The following USP3 variants were observed in gnomAD, a reference collection of about 807,000 sequenced individuals.
The protein encoded by USP3 is ubiquitin carboxyl-terminal hydrolase 3.
Under a neutral mutation model 72.3 loss-of-function variants are expected in USP3, and 20 were observed. The ratio of observed to expected loss-of-function variants is 0.28; its 90% CI spans 0.19 to 0.40. USP3 has a LOEUF of 0.40. Among genes scored for constraint, USP3 ranks in the 10% least tolerant of loss-of-function variants. The pLI, the probability that USP3 is intolerant of heterozygous loss-of-function variation, is 1.00. For missense variants in USP3, 479 were observed against 633.9 expected, an observed-to-expected ratio of 0.76 and a Z score of 2.62; for synonymous variants, 222 against 225.3, an observed-to-expected ratio of 0.99 and a Z score of 0.13.
chr15:63,523,699 A>G (rs989572062), intron 1 of USP3, among the ~76,000 whole-genome samples: 2 of 152,332 alleles, frequency 1.3e-5, no homozygotes, highest in East Asian at 1.9e-4. Flanking sequence ...TCCAGCTTAC[A>G]AAGGCCTGGG....
intron 11 of USP3, among the ~76,000 whole-genome samples, chr15:63,583,070 G>T (rs1333395663): frequency 6.6e-6 from 1 of 152,098 alleles, no homozygotes. Context: ...TTCCACACAC[G>T]GGGAGACCCC....
At chr15:63,504,917 G>T (rs1297119065) in intron 1 of USP3, 87 bp downstream of exon 1, 22 of 1,104,000 alleles carry the variant, frequency 2.0e-5, no homozygotes, top group Non-Finnish European at 2.4e-5. Context: ...GGCGGCCGGC[G>T]CGCGGACTCG....
Position 63,591,173 on chromosome 15 carries a change from T to C in USP3, c.*347T>C, listed in dbSNP as rs868376387. On this transcript the variant is annotated 3_prime_UTR_variant, in exon 15 of 15. Transcript: ENST00000380324. Reference sequence around the variant, plus strand: ...CAATGCTTTTGTTCCTCTCACATGCTGAAAGCAAGATGTGTTCCTTATTGT... The same window carrying C: ...CAATGCTTTTGTTCCTCTCACATGCCGAAAGCAAGATGTGTTCCTTATTGT... 1 of 201,006 alleles carries C rather than the reference T, an allele frequency of 5.0e-6. No individual in the cohort carries two copies. The highest frequency in any genetic ancestry group is 9.0e-5 in the South Asian group (1 of 11,064). The allele number at this position is 201,006 out of a possible 1,614,324, so 12.5% of individuals were successfully genotyped here. A position where few individuals can be genotyped will look rare whatever the true frequency, so the allele number is the denominator to read the frequency against.
At chr15:63,585,025 G>A (rs780420749) in intron 11 of USP3, among the ~76,000 whole-genome samples, 37 of 152,122 alleles carry the variant, frequency 2.4e-4, no homozygotes, top group Non-Finnish European at 1.2e-4. Context: ...CCATTGAGTA[G>A]TCTTGTCATT....
intron 1 of USP3, among the ~76,000 whole-genome samples, chr15:63,526,838 A>G (rs901188198): frequency 1.2e-4 from 19 of 152,192 alleles, no homozygotes; most frequent in African/African-American, 4.6e-4. Flanking sequence ...GAAGGATTTT[A>G]TTTATGGGGG....
intron 2 of USP3, among the ~76,000 whole-genome samples, chr15:63,535,936 T>A (rs1311090482): frequency 6.6e-6 from 1 of 152,244 alleles, no homozygotes; most frequent in African/African-American, 2.4e-5. Flanking sequence ...TTCCACACAT[T>A]GGCTGCTTTC....
At position 63,588,261 on chromosome 15, in the gene USP3, C is replaced by CA; in HGVS notation, c.1097-40dup. 6.9e-7 allele frequency: 1 copy of CA among 1,453,014 alleles called. No homozygotes were observed. Among genetic ancestry groups the CA allele is most frequent in the Non-Finnish European group, 9.4e-7 (1 of 1,061,880 alleles). The allele number at this position is 1,453,014 out of a possible 1,614,324, so 90.0% of individuals were successfully genotyped here. On this transcript the variant is annotated intron_variant, in intron 11 of 14. Transcript: ENST00000380324. This position sits in a 1 kb window ranked among gnomAD's most constrained non-coding sequence, Gnocchi z 4.6. Reference sequence around the variant, plus strand: ...TTTTTTCTACAGTACATTGCCTCTACAAAAGGCATCTTGTTTTAATGCTGC... The same window carrying CA: ...TTTTTTCTACAGTACATTGCCTCTACAAAAAGGCATCTTGTTTTAATGCTGC...
rs556396436 is a variant in USP3, at chr15:63,570,492, T to C, written c.821T>C (p.Leu274Ser). 6.2e-7 allele frequency: 1 copy of C among 1,614,234 alleles called. No individual in the cohort carries two copies. Among genetic ancestry groups the C allele is most frequent in the South Asian group, 1.1e-5 (1 of 91,084 alleles). The change falls in exon 9 of 15, where the codon TTG becomes TCG. Residue 274 changes from leucine to serine, a missense_variant. Physicochemically the swap from Leu to Ser is moderately radical, Grantham distance 145. Coordinates refer to ENST00000380324, the MANE Select transcript of USP3 (RefSeq NM_006537.4). This position sits in a 1 kb window ranked among gnomAD's most constrained non-coding sequence, Gnocchi z 4.4. The stretch of plus-strand genomic sequence containing the variant: ...CGCTACCTTTTGGACCACCTACACT[T>C]GGAACTTCAGGGCGGTTTCAACGGT... ...FMRYLLDHLH[L>S]ELQGGFNGVS...
chr15:63,568,397 T>G (rs1309759784), intron 8 of USP3, among the ~76,000 whole-genome samples: 1 of 152,118 alleles, frequency 6.6e-6, no homozygotes, highest in Non-Finnish European at 1.5e-5. Flanking sequence ...TTGCCTCTGT[T>G]TTCTTTTCTC....
At chr15:63,564,022 G>C (rs1182988343) in intron 8 of USP3, among the ~76,000 whole-genome samples, 3 of 152,118 alleles carry the variant, frequency 2.0e-5, no homozygotes, top group African/African-American at 4.8e-5. Context: ...AAGAATTTGA[G>C]AATGTCTTGA....
chr15:63,575,074 G>A (rs570246909), intron 11 of USP3, among the ~76,000 whole-genome samples: 84 of 151,312 alleles, frequency 5.6e-4, no homozygotes, highest in African/African-American at 1.7e-3. Context: ...CTACACTGAA[G>A]CTAACAGTTT....
rs540872467 is a variant in USP3, at chr15:63,590,724, C to T, written c.1461C>T (p.Asp487=). 8.1e-5 allele frequency: 130 copies of T among 1,613,970 alleles called. 2 individuals carry two copies. In the South Asian group the frequency reaches 1.3e-3, roughly 16 times the overall value. Reference sequence around the variant, plus strand: ...AAGGCCGCTGGTTCCACTTCAATGACAGTACTGTAACACTGACTGACGAGG... The same window carrying T: ...AAGGCCGCTGGTTCCACTTCAATGATAGTACTGTAACACTGACTGACGAGG... ...THEGRWFHFN[D]STVTLTDEET... The change falls in exon 15 of 15, where the codon GAC becomes GAT. Residue 487 remains aspartate (D), a synonymous_variant. Transcript: ENST00000380324.
In USP3 at chr15:63,558,396, C is replaced by G. The variant is rs550222071; in HGVS notation, c.533+208C>G. Among the ~76,000 whole-genome samples, 3 of 152,172 alleles carry G rather than the reference C, an allele frequency of 2.0e-5. No homozygotes were observed. In the East Asian group the frequency reaches 5.8e-4, roughly 29 times the overall value. The stretch of plus-strand genomic sequence containing the variant: ...GGGAAGATTGAATAATGTAATTTGT[C>G]TAAAGTACTTAGAGCAGTGTCCTGC... On this transcript the variant is annotated intron_variant, in intron 6 of 14. Coordinates refer to ENST00000380324, the MANE Select transcript of USP3 (RefSeq NM_006537.4).
In USP3 at chr15:63,529,126, G is replaced by A; in HGVS notation, c.92-3521G>A. The A allele has an allele frequency of 8.7e-7, 1 of 1,149,220 alleles. No homozygotes were observed. The highest frequency in any genetic ancestry group is 1.2e-6 in the Non-Finnish European group (1 of 861,546). 71.2% of individuals were successfully genotyped at this position (1,149,220 alleles called of 1,614,324 possible). On this transcript the variant is annotated intron_variant, in intron 1 of 14. Transcript: ENST00000380324. This position sits in a 1 kb window ranked among gnomAD's most constrained non-coding sequence, Gnocchi z 4.2. Reference sequence around the variant, plus strand: ...TGATTCTTCTGCCTCAGCCTCCCAAGTAGCTGGGACTACAGATGCAATCAC... The same window carrying A: ...TGATTCTTCTGCCTCAGCCTCCCAAATAGCTGGGACTACAGATGCAATCAC...
intron 8 of USP3, among the ~76,000 whole-genome samples, chr15:63,568,279 A>G (rs1276227411): frequency 6.6e-6 from 1 of 150,952 alleles, no homozygotes; most frequent in African/African-American, 2.4e-5. Context: ...CCCTTGAACC[A>G]GGGAGTCGGA....
At chr15:63,519,883 C>G (rs2065896978) in intron 1 of USP3, among the ~76,000 whole-genome samples, 1 of 151,996 alleles carries the variant, frequency 6.6e-6, no homozygotes. Context: ...TTCTAAGGTA[C>G]TCATCATTAT....
intron 1 of USP3, among the ~76,000 whole-genome samples, chr15:63,526,848 G>T (rs1337619056): frequency 6.6e-6 from 1 of 152,186 alleles, no homozygotes; most frequent in Non-Finnish European, 1.5e-5. Context: ...ATTTATGGGG[G>T]ATGATGATAT....
chr15:63,540,363 T>C (rs16947268), intron 3 of USP3, among the ~76,000 whole-genome samples: 74,256 of 152,138 alleles, frequency 0.49, 19,032 homozygotes, highest in Non-Finnish European at 0.56. Flanking sequence ...ATGTTAGTTA[T>C]TTGTAAATGT....
At position 63,578,937 on chromosome 15, in the gene USP3, G is replaced by T. The variant is rs1226056309; in HGVS notation, c.1096+4534G>T. 5.3e-5 allele frequency among the ~76,000 whole-genome samples: 8 copies of T among 152,188 alleles called. No individual in the cohort carries two copies. The East Asian group carries it at 1.5e-3, about 29-fold the overall frequency. The stretch of plus-strand genomic sequence containing the variant: ...ATTAACAACTATTGCCATGGAGAGT[G>T]AGACTAGGCAGGAGGACACCTGCTT... On this transcript the variant is annotated intron_variant, in intron 11 of 14. Coordinates refer to ENST00000380324, the MANE Select transcript of USP3 (RefSeq NM_006537.4).
Sources: gnomAD v4.1 joint callset for allele counts (sites outside exome capture counted in the v4.1 genomes callset) on GRCh38, gnomAD v4.1.1 for gene constraint, Gnocchi (gnomAD v3.1) non-coding constraint, MANE v1.5 for transcripts, NCBI Gene and HGNC (gene_info 2026-07-23, HGNC 2026-07-21) for gene names.